FABP7: variants seen among roughly 807,000 people sequenced by gnomAD.
FABP7 encodes the protein fatty acid-binding protein, brain.
Under a neutral mutation model 14.2 loss-of-function variants are expected in FABP7, and 13 were observed. That is an observed-to-expected ratio of 0.91 (90% CI 0.59 to 1.45). The LOEUF (loss-of-function observed/expected upper bound fraction) is 1.45, where lower values mean the gene tolerates loss of function less well. FABP7 is among the 40% of genes most tolerant of loss of function. The pLI is 0.00. For missense variants in FABP7, 149 were observed against 157.6 expected (o/e 0.95, Z 0.29); for synonymous variants, 49 against 51.4 (o/e 0.95, Z 0.20).
the FABP7 span, among the ~76,000 whole-genome samples, chr6:122,773,182 G>A: frequency 2.3e-3 from 347 of 152,242 alleles, 3 homozygotes; most frequent in African/African-American, 7.7e-3. Flanking sequence ...TATATCTCCA[G>A]AATACATGCG....
the FABP7 span, among the ~76,000 whole-genome samples, chr6:122,755,554 C>T: frequency 1.3e-5 from 2 of 150,404 alleles, no homozygotes; most frequent in African/African-American, 4.9e-5. Flanking sequence ...CCCGGGTTCA[C>T]GCCATTCTCC....
At chr6:122,783,004 A>G in intron 3 of FABP7, 1 of 985,454 alleles carries the variant, frequency 1.0e-6, no homozygotes, top group South Asian at 4.7e-5. Flanking sequence ...GGCAAGATTG[A>G]GTTCAAAAAG....
At chr6:122,762,881 G>A in the FABP7 span, among the ~76,000 whole-genome samples, 1 of 152,140 alleles carries the variant, frequency 6.6e-6, no homozygotes, top group African/African-American at 2.4e-5. Flanking sequence ...ACTGCTCAAT[G>A]AAATAAAAGA....
At chr6:122,749,589 A>G in the FABP7 span, among the ~76,000 whole-genome samples, 1 of 152,172 alleles carries the variant, frequency 6.6e-6, no homozygotes, top group Non-Finnish European at 1.5e-5. Context: ...CCCAAGATCC[A>G]GGGAATCACT....
chr6:122,758,273 A>T, the FABP7 span, among the ~76,000 whole-genome samples: 10 of 152,164 alleles, frequency 6.6e-5, no homozygotes, highest in Admixed American at 4.6e-4. Flanking sequence ...ACATCTGGTT[A>T]ATTTTTGTAT....
intron 2 of FABP7, among the ~76,000 whole-genome samples, chr6:122,780,764 T>C (rs1012000221): frequency 2.6e-5 from 4 of 152,228 alleles, no homozygotes; most frequent in Admixed American, 1.3e-4. Flanking sequence ...TGCATTTTGT[T>C]TAATTCCCCA....
the FABP7 span, among the ~76,000 whole-genome samples, chr6:122,758,408 G>A: frequency 6.6e-6 from 1 of 152,142 alleles, no homozygotes; most frequent in Non-Finnish European, 1.5e-5. Context: ...TAAAAGACTG[G>A]GAGAATGTCT....
chr6:122,749,476 C>G, the FABP7 span, among the ~76,000 whole-genome samples: 1 of 152,086 alleles, frequency 6.6e-6, no homozygotes, highest in Non-Finnish European at 1.5e-5. Flanking sequence ...GTGAATATTT[C>G]CATATTAGGA....
chr6:122,766,140 A>G, the FABP7 span, among the ~76,000 whole-genome samples: 1 of 152,128 alleles, frequency 6.6e-6, no homozygotes, highest in Non-Finnish European at 1.5e-5. Flanking sequence ...ATCAGCTACC[A>G]GTTTAGAAAC....
the FABP7 span, among the ~76,000 whole-genome samples, chr6:122,771,968 A>G: frequency 6.6e-6 from 1 of 152,242 alleles, no homozygotes; most frequent in African/African-American, 2.4e-5. Flanking sequence ...CACAATGCAT[A>G]ATAAAATAGA....
upstream of FABP7, among the ~76,000 whole-genome samples, chr6:122,776,120 C>T (rs72968513): frequency 0.052 from 7,961 of 152,070 alleles, 320 homozygotes; most frequent in Non-Finnish European, 0.078. Context: ...TATGGAGATT[C>T]CTCAAAAAAC....
the FABP7 span, among the ~76,000 whole-genome samples, chr6:122,754,264 A>ATGG: frequency 6.6e-6 from 1 of 152,178 alleles, no homozygotes; most frequent in African/African-American, 2.4e-5. Flanking sequence ...TCACTTAAGG[A>ATGG]TGGTCTTCAG....
chr6:122,769,644 T>C, the FABP7 span, among the ~76,000 whole-genome samples: 1 of 152,274 alleles, frequency 6.6e-6, no homozygotes, highest in East Asian at 1.9e-4. Flanking sequence ...ATATTAAATA[T>C]TTCCAAAAGG....
At chr6:122,765,106 C>A in the FABP7 span, among the ~76,000 whole-genome samples, 1 of 152,096 alleles carries the variant, frequency 6.6e-6, no homozygotes, top group South Asian at 2.1e-4. Flanking sequence ...AAATGAGTCT[C>A]AGCTTTTTCA....
chr6:122,751,131 T>C, the FABP7 span, among the ~76,000 whole-genome samples: 1 of 152,240 alleles, frequency 6.6e-6, no homozygotes, highest in Admixed American at 6.5e-5. Context: ...GAAGGTATCA[T>C]AAAATTGTTG....
chr6:122,775,239 A>G (rs1045759768), upstream of FABP7, among the ~76,000 whole-genome samples: 5 of 152,164 alleles, frequency 3.3e-5, no homozygotes, highest in African/African-American at 1.2e-4. Flanking sequence ...ACATGGAAGC[A>G]TCACATTACC....
At chr6:122,771,485 C>A in the FABP7 span, among the ~76,000 whole-genome samples, 3 of 152,092 alleles carry the variant, frequency 2.0e-5, no homozygotes, top group African/African-American at 4.8e-5. Flanking sequence ...ACAAAAAGTT[C>A]TTGATTGATT....
Position 122,782,059 on chromosome 6 carries a change from A to G in FABP7, c.348+865A>G, listed in dbSNP as rs75843014. 8.4e-3 allele frequency: 8,320 copies of G among 985,332 alleles called. 172 individuals carry two copies. Among genetic ancestry groups the G allele is most frequent in the African/African-American group, 0.071 (4,092 of 57,302 alleles). The allele number at this position is 985,332 out of a possible 1,614,324, so 61.0% of individuals were successfully genotyped here. ...GAGCCAAGGCTCCCAGCCCCCAAAG[A>G]GAACCATTTTGATGTTACTTCTTTC... is the stretch of plus-strand genomic sequence containing the variant. On this transcript the variant is annotated intron_variant, in intron 3 of 3. Coordinates refer to ENST00000368444, the MANE Select transcript of FABP7 (RefSeq NM_001446.5).
At chr6:122,754,935 C>T in the FABP7 span, among the ~76,000 whole-genome samples, 8 of 152,110 alleles carry the variant, frequency 5.3e-5, no homozygotes, top group Non-Finnish European at 1.2e-4. Flanking sequence ...ACCAACCTTT[C>T]TACTGGTTAT....
Sources: gnomAD v4.1 joint callset for allele counts (sites outside exome capture counted in the v4.1 genomes callset) on GRCh38, gnomAD v4.1.1 for gene constraint, MANE v1.5 for transcripts, NCBI Gene and HGNC (gene_info 2026-07-23, HGNC 2026-07-21) for gene names.